The following SEMA6B variants were observed in gnomAD, a reference collection of about 807,000 sequenced individuals.
SEMA6B encodes semaphorin 6B, also known as semaphorin-6B.
A neutral mutation model predicts 78.6 loss-of-function variants in SEMA6B; 47 were observed. That is an observed-to-expected ratio of 0.60 (90% CI 0.47 to 0.76). The LOEUF is 0.76. SEMA6B is among the 30% of genes least tolerant of loss of function. The pLI, the probability that SEMA6B is intolerant of heterozygous loss-of-function variation, is 0.00. For missense variants in SEMA6B, 1,213 were observed against 1,269.9 expected (o/e 0.96, Z 0.68); for synonymous variants, 632 against 592.2 (o/e 1.07, Z -0.98).
Position 4,543,835 on chromosome 19 carries a change from G to T in SEMA6B, c.2433C>A (p.Ala811=), listed in dbSNP as rs1037017824. 122 of 1,213,834 alleles carry T rather than the reference G, an allele frequency of 1.0e-4. 3 individuals are homozygous for T. The African/African-American group carries it at 1.4e-3, about 13-fold the overall frequency. 75.2% of individuals were successfully genotyped at this position (1,213,834 alleles called of 1,614,324 possible). The change falls in exon 17 of 17, where the codon GCC becomes GCA. Residue 811 remains alanine, a synonymous_variant. Coordinates refer to ENST00000586582, the MANE Select transcript of SEMA6B (RefSeq NM_032108.4). ...VSAPTGPLDP[A]SAADGLPRPW... is the part of the protein sequence containing the mutation. ...GCCGCGGGAGGCCATCGGCGGCTGA[G>T]GCTGGGTCCAAGGGGCCCGTGGGCG... is the stretch of plus-strand genomic sequence containing the variant.
rs1977117837 is a variant in SEMA6B, at chr19:4,544,587, C to T, written c.1739-58G>A. Reference sequence around the variant, plus strand: ...CGGCGGGGTGGCCCTGGGCATCCCTCCTACCTCCTCGGGGCCCTCTGTCCT... The same window carrying T: ...CGGCGGGGTGGCCCTGGGCATCCCTTCTACCTCCTCGGGGCCCTCTGTCCT... On this transcript the variant is annotated intron_variant, in intron 16 of 16. Transcript: ENST00000586582. This position sits in a 1 kb window ranked among gnomAD's most constrained non-coding sequence, Gnocchi z 5.1. The T allele has an allele frequency of 5.3e-6, 6 of 1,121,582 alleles. No homozygotes were observed. Among genetic ancestry groups the T allele is most frequent in the Admixed American group, 7.6e-5 (2 of 26,146 alleles). 69.5% of individuals were successfully genotyped at this position (1,121,582 alleles called of 1,614,324 possible).
At position 4,552,666 on chromosome 19, in the gene SEMA6B, G is replaced by A; in HGVS notation, c.772-27C>T. On this transcript the variant is annotated intron_variant, in intron 9 of 16. Coordinates refer to ENST00000586582, the MANE Select transcript of SEMA6B (RefSeq NM_032108.4). The surrounding 1 kb of genome is among the most constrained non-coding windows in gnomAD (Gnocchi z 7.4). ...TGGGCGTGACAGTGGACGGACGGGGGCCTGAGCTCTGTGTCCCAGGAAGGC... is the reference window on the plus strand; with the variant it reads ...TGGGCGTGACAGTGGACGGACGGGGACCTGAGCTCTGTGTCCCAGGAAGGC... 2 of 1,566,956 alleles carry A rather than the reference G, an allele frequency of 1.3e-6. No homozygotes were observed. Among genetic ancestry groups the A allele is most frequent in the Non-Finnish European group, 1.7e-6 (2 of 1,152,228 alleles).
Position 4,550,400 on chromosome 19 carries a change from A to T in SEMA6B, c.1122-128T>A. On this transcript the variant is annotated intron_variant, in intron 11 of 16. Transcript: ENST00000586582. This position sits in a 1 kb window ranked among gnomAD's most constrained non-coding sequence, Gnocchi z 6.6. ...TTTGTTTGTTTTGTTTTTGAGACAG[A>T]GTCTCAATCTGTCGCCCAGGCTGGA... is the stretch of plus-strand genomic sequence containing the variant. The T allele has an allele frequency of 9.8e-7, 1 of 1,018,924 alleles. No homozygotes were observed. Among genetic ancestry groups the T allele is most frequent in the Non-Finnish European group, 1.4e-6 (1 of 695,594 alleles). 63.1% of individuals were successfully genotyped at this position (1,018,924 alleles called of 1,614,324 possible). A position where few individuals can be genotyped will look rare whatever the true frequency, so the allele number is the denominator to read the frequency against.
Position 4,550,096 on chromosome 19 carries a change from G to A in SEMA6B, c.1271+27C>T, listed in dbSNP as rs751307188. 15 of 1,610,148 alleles carry A rather than the reference G, an allele frequency of 9.3e-6. No homozygotes were observed. Among genetic ancestry groups the A allele is most frequent in the East Asian group, 8.9e-5 (4 of 44,824 alleles). On this transcript the variant is annotated intron_variant, in intron 12 of 16. Transcript: ENST00000586582. This position sits in a 1 kb window ranked among gnomAD's most constrained non-coding sequence, Gnocchi z 6.6. ...CATCTACCCCATCCTGTCTCCCCTC[G>A]CCATGCCCTGCCTCTCCAGGACCGA... is the stretch of plus-strand genomic sequence containing the variant.
At position 4,550,400 on chromosome 19, in the gene SEMA6B, A is replaced by G; in HGVS notation, c.1122-128T>C. 1 of 1,018,936 alleles carries G rather than the reference A, an allele frequency of 9.8e-7. No individual in the cohort carries two copies. Among genetic ancestry groups the G allele is most frequent in the East Asian group, 2.5e-5 (1 of 39,248 alleles). 63.1% of individuals were successfully genotyped at this position (1,018,936 alleles called of 1,614,324 possible). On this transcript the variant is annotated intron_variant, in intron 11 of 16. Transcript: ENST00000586582. The surrounding 1 kb of genome is among the most constrained non-coding windows in gnomAD (Gnocchi z 6.6). The stretch of plus-strand genomic sequence containing the variant: ...TTTGTTTGTTTTGTTTTTGAGACAG[A>G]GTCTCAATCTGTCGCCCAGGCTGGA...
chr19:4,546,150 C>T (rs1457530899), intron 16 of SEMA6B, 66 bp downstream of exon 16: 1 of 1,473,962 alleles, frequency 6.8e-7, no homozygotes, highest in African/African-American at 1.4e-5. Context: ...GTCCTCCAGC[C>T]TCCTCCCTCC....
rs1599777719 is a variant in SEMA6B at position 4,550,341 on chromosome 19, G to A, written c.1122-69C>T. On this transcript the variant is annotated intron_variant, in intron 11 of 16. Transcript: ENST00000586582. The surrounding 1 kb of genome is among the most constrained non-coding windows in gnomAD (Gnocchi z 6.6). The stretch of plus-strand genomic sequence containing the variant: ...CATAAAGGGGCCTGATTCACCAGAG[G>A]TACCCATTGCTTTGCCCAACGACCC... 1.3e-6 allele frequency: 2 copies of A among 1,543,096 alleles called. No individual in the cohort carries two copies. The highest frequency in any genetic ancestry group is 1.8e-6 in the Non-Finnish European group (2 of 1,122,136).
intron 14 of SEMA6B, among the ~76,000 whole-genome samples, chr19:4,546,707 C>T (rs1390766884): frequency 3.9e-5 from 6 of 152,076 alleles, no homozygotes; most frequent in Admixed American, 2.6e-4. Flanking sequence ...TCACTGCAAC[C>T]TCCGCCTCCC....
In SEMA6B at chr19:4,550,312, T is replaced by C. The variant is rs201486045; in HGVS notation, c.1122-40A>G. The C allele has an allele frequency of 1.9e-6, 3 of 1,607,332 alleles. No individual in the cohort carries two copies. The East Asian group carries it at 6.7e-5, about 36-fold the overall frequency. On this transcript the variant is annotated intron_variant, in intron 11 of 16. Transcript: ENST00000586582. The surrounding 1 kb of genome is among the most constrained non-coding windows in gnomAD (Gnocchi z 6.6). Reference sequence around the variant, plus strand: ...GGTGTGGTCAGGACGAACGTAAAGGTTCTCATAAAGGGGCCTGATTCACCA... The same window carrying C: ...GGTGTGGTCAGGACGAACGTAAAGGCTCTCATAAAGGGGCCTGATTCACCA...
chr19:4,554,433 G>A lies in SEMA6B; in HGVS notation c.726C>T (p.Tyr242=). The change falls in exon 9 of 17, where the codon TAC becomes TAT. Residue 242 remains tyrosine, a synonymous_variant. Transcript: ENST00000586582. ...VHAVEWGSHV[Y]FFFREIAMEF... Reference sequence around the variant, plus strand: ...CCATCGCAATCTCCCGGAAGAAGAAGTAGACATGGCTGCCCCACTCCACCG... The same window carrying A: ...CCATCGCAATCTCCCGGAAGAAGAAATAGACATGGCTGCCCCACTCCACCG... 2 of 1,614,020 alleles carry A rather than the reference G, an allele frequency of 1.2e-6. No individual in the cohort carries two copies. Among genetic ancestry groups the A allele is most frequent in the Non-Finnish European group, 1.7e-6 (2 of 1,179,998 alleles).
intron 12 of SEMA6B, among the ~76,000 whole-genome samples, chr19:4,549,375 C>T (rs2145349832): frequency 6.8e-6 from 1 of 147,118 alleles, no homozygotes; most frequent in East Asian, 2.0e-4. Context: ...GATCTCGGCT[C>T]ACTGCAACCT....
In SEMA6B at chr19:4,542,876, G is replaced by C; in HGVS notation, c.*725C>G. On this transcript the variant is annotated 3_prime_UTR_variant, in exon 17 of 17. Transcript: ENST00000586582. ...CCTCGTGTCTCCTGCCTGAAACCCC[G>C]GCATTGTCCCCGCTTCCCTCTGCAG... The C allele has an allele frequency of 1.4e-6, 1 of 700,298 alleles. No individual in the cohort carries two copies. The highest frequency in any genetic ancestry group is 2.6e-6 in the Non-Finnish European group (1 of 383,974). 43.4% of individuals were successfully genotyped at this position (700,298 alleles called of 1,614,324 possible). A position where few individuals can be genotyped will look rare whatever the true frequency, so the allele number is the denominator to read the frequency against.
rs1464636544 is a variant in SEMA6B at position 4,544,223 on chromosome 19, G to A, written c.2045C>T (p.Ala682Val). The change falls in exon 17 of 17, where the codon GCG becomes GTG. Residue 682 changes from alanine (A) to valine (V), a missense_variant. By Grantham distance (64) the Ala-to-Val change is moderately conservative. Coordinates refer to ENST00000586582, the MANE Select transcript of SEMA6B (RefSeq NM_032108.4). This position sits in a 1 kb window ranked among gnomAD's most constrained non-coding sequence, Gnocchi z 5.1. The part of the protein sequence containing the change: ...GAGVPPEALL[A>V]PLMQNGWAKA... Reference sequence around the variant, plus strand: ...GGCCCAGCCGTTCTGCATCAGGGGCGCCAGCAGGGCCTCCGGGGGAACCCC... The same window carrying A: ...GGCCCAGCCGTTCTGCATCAGGGGCACCAGCAGGGCCTCCGGGGGAACCCC... 2.4e-6 allele frequency: 3 copies of A among 1,272,842 alleles called. No homozygotes were observed. The highest frequency in any genetic ancestry group is 3.1e-5 in the African/African-American group (2 of 63,914). The allele number at this position is 1,272,842 out of a possible 1,614,324, so 78.8% of individuals were successfully genotyped here. A position where few individuals can be genotyped will look rare whatever the true frequency, so the allele number is the denominator to read the frequency against.
chr19:4,550,791 G>T lies in SEMA6B; in HGVS notation c.1121+8C>A. ...GGGCATGTGACTCAGGATGGAGGGG[G>T]TTCTCACCGGGGTCGAGGCACCTGA... On this transcript the variant is annotated splice_region_variant and intron_variant, in intron 11 of 16. Transcript: ENST00000586582. This position sits in a 1 kb window ranked among gnomAD's most constrained non-coding sequence, Gnocchi z 6.6. 1 of 1,613,172 alleles carries T rather than the reference G, an allele frequency of 6.2e-7. No homozygotes were observed. Among genetic ancestry groups the T allele is most frequent in the Admixed American group, 1.7e-5 (1 of 59,988 alleles).
chr19:4,558,096 CG>C lies in SEMA6B; in HGVS notation c.174del (p.Ala59GlnfsTer30). 1 of 1,534,858 alleles carries C rather than the reference CG, an allele frequency of 6.5e-7. No homozygotes were observed. The highest frequency in any genetic ancestry group is 8.8e-7 in the Non-Finnish European group (1 of 1,133,876). On this transcript the variant is annotated frameshift_variant, in exon 3 of 17. Coordinates refer to ENST00000586582, the MANE Select transcript of SEMA6B (RefSeq NM_032108.4). LOFTEE classifies it high-confidence loss of function. This position sits in a 1 kb window ranked among gnomAD's most constrained non-coding sequence, Gnocchi z 5.1. The part of the protein sequence containing the change: ...FVGSGPGRLT[P>X]AEGADDLNIQ... ...ATGTTGAGGTCGTCAGCACCTTCTG[CG>C]GGGGTCAGGCGTCCGGGCCCGCTGC... is the stretch of plus-strand genomic sequence containing the variant.
At chr19:4,553,095 T>C (rs543157604) in intron 9 of SEMA6B, among the ~76,000 whole-genome samples, 25 of 152,204 alleles carry the variant, frequency 1.6e-4, no homozygotes, top group African/African-American at 6.0e-4. Context: ...ACGATTACAA[T>C]GGAGGGATGA....
chr19:4,556,850 C>G, intron 5 of SEMA6B, 101 bp downstream of exon 5: 1 of 1,074,010 alleles, frequency 9.3e-7, no homozygotes, highest in Non-Finnish European at 1.3e-6. Context: ...GGGGCGTGGC[C>G]AGGGCTGGCG....
rs78134544 is a variant in SEMA6B at position 4,552,648 on chromosome 19, G to A, written c.772-9C>T. ...ACGCGGGACACCACCACCTGGGCGT[G>A]ACAGTGGACGGACGGGGGCCTGAGC... is the stretch of plus-strand genomic sequence containing the variant. On this transcript the variant is annotated splice_polypyrimidine_tract_variant and intron_variant, in intron 9 of 16. Transcript: ENST00000586582. This position sits in a 1 kb window ranked among gnomAD's most constrained non-coding sequence, Gnocchi z 7.4. 2.6e-3 allele frequency: 4,202 copies of A among 1,592,518 alleles called. 112 individuals are homozygous for A. In the African/African-American group the frequency reaches 0.051, roughly 19 times the overall value.
At position 4,544,455 on chromosome 19, in the gene SEMA6B, C is replaced by T; in HGVS notation, c.1813G>A (p.Ala605Thr). The T allele has an allele frequency of 6.2e-7, 1 of 1,600,190 alleles. No individual in the cohort carries two copies. The highest frequency in any genetic ancestry group is 2.3e-5 in the East Asian group (1 of 43,646). ...SVNLLVTSSVAAFVVGAVVSG... is the reference protein window; with the variant it reads ...SVNLLVTSSVTAFVVGAVVSG... ...ACCACGGCTCCCACCACGAAGGCCG[C>T]CACCGACGACGTTACCAGCAGGTTC... The change falls in exon 17 of 17, where the codon GCG becomes ACG. Residue 605 changes from alanine (A) to threonine (T), a missense_variant. Physicochemically the swap from Ala to Thr is moderately conservative, Grantham distance 58. Transcript: ENST00000586582. The surrounding 1 kb of genome is among the most constrained non-coding windows in gnomAD (Gnocchi z 5.1).
Sources: gnomAD v4.1 joint callset for allele counts (sites outside exome capture counted in the v4.1 genomes callset) on GRCh38, gnomAD v4.1.1 for gene constraint, Gnocchi (gnomAD v3.1) non-coding constraint, MANE v1.5 for transcripts, NCBI Gene and HGNC (gene_info 2026-07-23, HGNC 2026-07-21) for gene names.